The following PDE1A variants were observed in gnomAD, a reference collection of about 807,000 sequenced individuals.
The protein encoded by PDE1A is dual specificity calcium/calmodulin-dependent 3',5'-cyclic nucleotide phosphodiesterase 1A.
A neutral mutation model predicts 61.7 loss-of-function variants in PDE1A; 35 were observed. The observed-to-expected ratio is 0.57, with a 90% confidence interval of 0.43 to 0.75. The LOEUF (loss-of-function observed/expected upper bound fraction) is 0.75, where lower values mean the gene tolerates loss of function less well. PDE1A is among the 30% of genes least tolerant of loss of function. PDE1A has a pLI of 0.00. For missense variants in PDE1A, 597 were observed against 630.6 expected, an observed-to-expected ratio of 0.95 and a Z score of 0.57; for synonymous variants, 232 against 213.2, an observed-to-expected ratio of 1.09 and a Z score of -0.77.
chr2:182,493,810 C>T (rs1688546026), intron 2 of PDE1A, among the ~76,000 whole-genome samples: 1 of 152,126 alleles, frequency 6.6e-6, no homozygotes, highest in South Asian at 2.1e-4. Context: ...TCATTCTCAG[C>T]AAACTGTTGC....
the PDE1A span, among the ~76,000 whole-genome samples, chr2:182,561,292 G>T: frequency 6.6e-6 from 1 of 152,120 alleles, no homozygotes; most frequent in Non-Finnish European, 1.5e-5. Context: ...AGTCTTCCCA[G>T]CACCATTTAT....
At position 182,414,024 on chromosome 2, in the gene PDE1A, T is replaced by C. The variant is rs561663953; in HGVS notation, c.53+12554A>G. 2.0e-5 allele frequency among the ~76,000 whole-genome samples: 3 copies of C among 152,206 alleles called. No homozygotes were observed. The South Asian group carries it at 6.2e-4, about 32-fold the overall frequency. The stretch of plus-strand genomic sequence containing the variant: ...TCATCAGGTGGACATGTTTAAGAAA[T>C]GTAAAGAAATGTGAATCGGCACTCA... On this transcript the variant is annotated intron_variant, in intron 1 of 13. Coordinates refer to ENST00000351439, the Ensembl canonical transcript of PDE1A.
chr2:182,445,144 C>T (rs1685051021), intron 2 of PDE1A, among the ~76,000 whole-genome samples: 2 of 152,052 alleles, frequency 1.3e-5, no homozygotes, highest in African/African-American at 4.8e-5. Flanking sequence ...CCAGCATTTA[C>T]GCCTTATGCA....
the PDE1A span, among the ~76,000 whole-genome samples, chr2:182,550,913 C>T: frequency 6.6e-6 from 1 of 152,068 alleles, no homozygotes; most frequent in African/African-American, 2.4e-5. Context: ...GTTCTGTTCA[C>T]ATTCCTTTAA....
chr2:182,409,168 CTT>C (rs1482668243), intron 1 of PDE1A, among the ~76,000 whole-genome samples: 1 of 152,176 alleles, frequency 6.6e-6, no homozygotes, highest in African/African-American at 2.4e-5. Context: ...CTTTTACATG[CTT>C]TTCCTTAAAA....
the PDE1A span, among the ~76,000 whole-genome samples, chr2:182,680,552 T>C: frequency 1.3e-5 from 2 of 152,302 alleles, no homozygotes; most frequent in Admixed American, 1.3e-4. Flanking sequence ...ATTTTTTAAA[T>C]GGCACTTAAT....
At chr2:182,708,947 T>A in the PDE1A span, among the ~76,000 whole-genome samples, 1 of 152,162 alleles carries the variant, frequency 6.6e-6, no homozygotes, top group African/African-American at 2.4e-5. Context: ...AGATGTAAGT[T>A]TTGGTTATTT....
At chr2:182,348,931 G>A (rs2125087974) in intron 1 of PDE1A, among the ~76,000 whole-genome samples, 1 of 152,136 alleles carries the variant, frequency 6.6e-6, no homozygotes, top group South Asian at 2.1e-4. Flanking sequence ...AAAGGAGGTG[G>A]GACAGTTTGA....
chr2:182,261,467 A>T (rs769498571), intron 2 of PDE1A, among the ~76,000 whole-genome samples: 12 of 152,224 alleles, frequency 7.9e-5, no homozygotes, highest in Non-Finnish European at 1.2e-4. Flanking sequence ...TTTAAAACTC[A>T]TGATGCCATG....
At chr2:182,695,684 A>G in the PDE1A span, among the ~76,000 whole-genome samples, 62,061 of 126,126 alleles carry the variant, frequency 0.49, 14,606 homozygotes, top group South Asian at 0.59. Context: ...AAAAAAAAAA[A>G]AGAAAAAGAA....
At chr2:182,305,073 A>G (rs1238314814) in intron 1 of PDE1A, among the ~76,000 whole-genome samples, 1 of 152,154 alleles carries the variant, frequency 6.6e-6, no homozygotes. Flanking sequence ...TCAGTTGTCC[A>G]CCAAGAAAAC....
chr2:182,250,360 A>G (rs1334745330), intron 2 of PDE1A, among the ~76,000 whole-genome samples: 1 of 152,204 alleles, frequency 6.6e-6, no homozygotes, highest in Non-Finnish European at 1.5e-5. Flanking sequence ...GACACTTTGA[A>G]GTACAATAAA....
At chr2:182,376,328 C>A (rs1015393278) in intron 1 of PDE1A, among the ~76,000 whole-genome samples, 2 of 152,144 alleles carry the variant, frequency 1.3e-5, no homozygotes, top group Non-Finnish European at 2.9e-5. Flanking sequence ...TTAGAAATTT[C>A]TTCTGCCAGA....
At chr2:182,364,080 A>C (rs2125189564) in intron 1 of PDE1A, among the ~76,000 whole-genome samples, 1 of 152,036 alleles carries the variant, frequency 6.6e-6, no homozygotes, top group African/African-American at 2.4e-5. Flanking sequence ...GTCACATGAA[A>C]GCTACAGCAA....
intron 1 of PDE1A, among the ~76,000 whole-genome samples, chr2:182,343,710 T>C (rs1365750459): frequency 6.6e-6 from 1 of 152,164 alleles, no homozygotes; most frequent in East Asian, 1.9e-4. Context: ...AATTACAATA[T>C]TACCATTTAT....
chr2:182,640,036 A>T, the PDE1A span, among the ~76,000 whole-genome samples: 1 of 152,158 alleles, frequency 6.6e-6, no homozygotes, highest in Non-Finnish European at 1.5e-5. Flanking sequence ...CTTGGGGAAA[A>T]TAATTCAGGC....
intron 2 of PDE1A, among the ~76,000 whole-genome samples, chr2:182,504,958 A>C (rs992014401): frequency 6.6e-6 from 1 of 152,254 alleles, no homozygotes. Flanking sequence ...AAGAGTCTTC[A>C]ACTCAGTAGC....
At chr2:182,187,952 G>T (rs1191313711) in intron 11 of PDE1A, among the ~76,000 whole-genome samples, 3 of 151,696 alleles carry the variant, frequency 2.0e-5, no homozygotes, top group Non-Finnish European at 1.5e-5. Flanking sequence ...CACCGTGTTA[G>T]CCAAGATGGT....
the PDE1A span, among the ~76,000 whole-genome samples, chr2:182,602,393 A>G: frequency 1.3e-5 from 2 of 152,180 alleles, no homozygotes; most frequent in East Asian, 3.8e-4. Context: ...AGTCATCCCT[A>G]TCACCCCAGT....
Sources: gnomAD v4.1 joint callset for allele counts (sites outside exome capture counted in the v4.1 genomes callset) on GRCh38, gnomAD v4.1.1 for gene constraint, MANE v1.5 for transcripts, NCBI Gene and HGNC (gene_info 2026-07-23, HGNC 2026-07-21) for gene names.